PSD3: variants seen among roughly 807,000 people sequenced by gnomAD.
PSD3 encodes PH and SEC7 domain-containing protein 3.
In PSD3, 49 loss-of-function variants were observed where a neutral mutation model predicts 105.5. The ratio of observed to expected loss-of-function variants is 0.46; its 90% CI spans 0.37 to 0.59. PSD3 has a LOEUF of 0.59. Ranked by LOEUF, PSD3 falls within the 20% of genes least tolerant of loss-of-function variation. PSD3 has a pLI of 0.00. For missense variants in PSD3, 1,561 were observed against 1,263.8 expected (o/e 1.24, Z -3.57); for synonymous variants, 557 against 457.8 (o/e 1.22, Z -2.77).
intron 1 of PSD3, among the ~76,000 whole-genome samples, chr8:18,997,299 C>T (rs1478906222): frequency 6.6e-6 from 1 of 151,896 alleles, no homozygotes; most frequent in African/African-American, 2.4e-5. Flanking sequence ...CACCTCCATC[C>T]TTCAAGATGC....
intron 9 of PSD3, among the ~76,000 whole-genome samples, chr8:18,687,953 A>G (rs1000673255): frequency 2.6e-5 from 4 of 151,962 alleles, no homozygotes; most frequent in South Asian, 2.1e-4. Context: ...TTTTTTAGTA[A>G]AGATGGGGTT....
At chr8:18,976,266 A>T (rs569711968) in intron 1 of PSD3, among the ~76,000 whole-genome samples, 2 of 152,250 alleles carry the variant, frequency 1.3e-5, no homozygotes, top group African/African-American at 4.8e-5. Flanking sequence ...ACAGTTCACA[A>T]AAAAAGAAAT....
chr8:18,556,855 C>T (rs1017892196), intron 14 of PSD3, among the ~76,000 whole-genome samples: 1 of 152,220 alleles, frequency 6.6e-6, no homozygotes, highest in African/African-American at 2.4e-5. Context: ...TTCTCTGAAG[C>T]TTACCAGATG....
intron 2 of PSD3, among the ~76,000 whole-genome samples, chr8:18,873,146 G>C (rs1483412550): frequency 6.6e-6 from 1 of 152,156 alleles, no homozygotes; most frequent in Admixed American, 6.5e-5. Flanking sequence ...CTATGATCTA[G>C]CCAACAGTAT....
At chr8:18,964,905 G>C (rs1021102737) in intron 1 of PSD3, among the ~76,000 whole-genome samples, 11 of 152,198 alleles carry the variant, frequency 7.2e-5, no homozygotes, top group Middle Eastern at 3.4e-3. Context: ...TGCTTTTACA[G>C]CTCTAAAATG....
At chr8:18,547,603 T>G (rs775205450) in intron 15 of PSD3, among the ~76,000 whole-genome samples, 1 of 152,216 alleles carries the variant, frequency 6.6e-6, no homozygotes, top group African/African-American at 2.4e-5. Flanking sequence ...ACTTTAATGC[T>G]TTCCCTCTGA....
At chr8:18,983,539 C>T (rs1171771488) in intron 1 of PSD3, among the ~76,000 whole-genome samples, 1 of 152,140 alleles carries the variant, frequency 6.6e-6, no homozygotes, top group African/African-American at 2.4e-5. Flanking sequence ...CACTTAGAGG[C>T]CATTATATAG....
chr8:18,549,819 CAT>C (rs1800658795), intron 15 of PSD3, among the ~76,000 whole-genome samples: 1 of 152,190 alleles, frequency 6.6e-6, no homozygotes, highest in South Asian at 2.1e-4. Context: ...GTTTAACACT[CAT>C]AGAAATCTTT....
intron 1 of PSD3, among the ~76,000 whole-genome samples, chr8:19,033,414 T>C (rs921966660): frequency 2.0e-5 from 3 of 152,210 alleles, no homozygotes; most frequent in African/African-American, 7.2e-5. Context: ...TATTTTATTT[T>C]TCGAAGTTTA....
intron 1 of PSD3, among the ~76,000 whole-genome samples, chr8:19,078,017 A>T (rs546581355): frequency 6.9e-6 from 1 of 145,750 alleles, no homozygotes; most frequent in Non-Finnish European, 1.5e-5. Context: ...ATAGTCTATA[A>T]ATCTACAAGG....
intron 9 of PSD3, among the ~76,000 whole-genome samples, chr8:18,679,332 G>A (rs963805444): frequency 1.3e-5 from 2 of 152,208 alleles, no homozygotes; most frequent in African/African-American, 4.8e-5. Flanking sequence ...TAAGCAGAAT[G>A]GGGAGAATAG....
intron 1 of PSD3, among the ~76,000 whole-genome samples, chr8:19,032,646 T>A (rs1248782896): frequency 4.8e-5 from 5 of 104,822 alleles, no homozygotes; most frequent in Non-Finnish European, 1.0e-4. Flanking sequence ...CAAGACTCTG[T>A]CTCAAAAAAA....
At position 18,765,468 on chromosome 8, in the gene PSD3, A is replaced by C. The variant is rs1016739712; in HGVS notation, c.2153T>G (p.Phe718Cys). 6.2e-7 allele frequency: 1 copy of C among 1,611,074 alleles called. No individual in the cohort carries two copies. Among genetic ancestry groups the C allele is most frequent in the Non-Finnish European group, 8.5e-7 (1 of 1,177,158 alleles). Residue 718 changes from phenylalanine (F) to cysteine (C), a missense_variant, in exon 9 of 16, where the codon TTC becomes TGC. Coordinates refer to ENST00000327040, the MANE Select transcript of PSD3 (RefSeq NM_015310.4). ...GCTTACTTTCAGCAGATCCTTGGAG[A>C]AATCAACACCCTCATTTACCCCTTG... ...NLQGVNEGVD[F>C]SKDLLKALYN...
At chr8:18,713,989 C>A (rs1332432448) in intron 9 of PSD3, among the ~76,000 whole-genome samples, 1 of 152,098 alleles carries the variant, frequency 6.6e-6, no homozygotes, top group East Asian at 1.9e-4. Flanking sequence ...CATTTACAAC[C>A]ATCTGATCGT....
intron 9 of PSD3, among the ~76,000 whole-genome samples, chr8:18,752,512 TATATGTAA>T (rs1474634495): frequency 7.1e-5 from 4 of 56,184 alleles, no homozygotes; most frequent in East Asian, 8.3e-4. Context: ...ATATATATAA[TATATGTAA>T]TATATATAAT....
intron 9 of PSD3, among the ~76,000 whole-genome samples, chr8:18,689,893 G>A (rs941974649): frequency 6.6e-6 from 1 of 152,142 alleles, no homozygotes; most frequent in Admixed American, 6.5e-5. Flanking sequence ...TTCTATAGAT[G>A]ACTCCTGAGA....
chr8:18,974,157 T>C (rs1170693692), intron 1 of PSD3, among the ~76,000 whole-genome samples: 1 of 152,244 alleles, frequency 6.6e-6, no homozygotes, highest in Non-Finnish European at 1.5e-5. Flanking sequence ...GTTCTCTCCA[T>C]AGATTGTCAG....
chr8:18,951,201 C>T (rs1012801390), intron 1 of PSD3, among the ~76,000 whole-genome samples: 3 of 152,086 alleles, frequency 2.0e-5, no homozygotes, highest in Non-Finnish European at 4.4e-5. Flanking sequence ...TCAAGACCAG[C>T]CTGGGCAACA....
chr8:18,660,894 A>G (rs1809298631), intron 9 of PSD3, among the ~76,000 whole-genome samples: 2 of 152,206 alleles, frequency 1.3e-5, no homozygotes, highest in Admixed American at 1.3e-4. Flanking sequence ...TAAGAATAAC[A>G]AAGCAAAGAA....
Sources: gnomAD v4.1 joint callset for allele counts (sites outside exome capture counted in the v4.1 genomes callset) on GRCh38, gnomAD v4.1.1 for gene constraint, MANE v1.5 for transcripts, NCBI Gene and HGNC (gene_info 2026-07-23, HGNC 2026-07-21) for gene names.